The following KCNJ6 variants were observed in gnomAD, a reference collection of about 807,000 sequenced individuals.
KCNJ6 encodes potassium inwardly rectifying channel subfamily J member 6.
KCNJ6 carries 9 observed loss-of-function variants against 34.2 expected under a neutral mutation model. The ratio of observed to expected loss-of-function variants is 0.26; its 90% confidence interval spans 0.16 to 0.46. The LOEUF (loss-of-function observed/expected upper bound fraction) is 0.46, where lower values mean the gene tolerates loss of function less well. KCNJ6 is among the 20% of genes least tolerant of loss of function. The pLI is 1.00. For synonymous variants in KCNJ6, 196 were observed against 207.1 expected (o/e 0.95, Z 0.46); for missense variants, 236 against 531.3 (o/e 0.44, Z 5.46).
At chr21:37,761,630 T>C (rs2055064808) in intron 2 of KCNJ6, among the ~76,000 whole-genome samples, 1 of 150,830 alleles carries the variant, frequency 6.6e-6, no homozygotes. Context: ...GTATGTGTTG[T>C]GTGTTGTGTT....
intron 2 of KCNJ6, among the ~76,000 whole-genome samples, chr21:37,804,016 C>G (rs1236588006): frequency 6.6e-6 from 1 of 152,188 alleles, no homozygotes; most frequent in African/African-American, 2.4e-5. Context: ...CAAAAATACT[C>G]TGCCCCCAGT....
intron 2 of KCNJ6, among the ~76,000 whole-genome samples, chr21:37,810,177 A>G (rs1291863477): frequency 6.6e-6 from 1 of 152,230 alleles, no homozygotes; most frequent in Non-Finnish European, 1.5e-5. Flanking sequence ...GGATCATATT[A>G]TACATAACAC....
intron 1 of KCNJ6, among the ~76,000 whole-genome samples, chr21:37,892,752 G>T (rs1024792571): frequency 6.6e-6 from 1 of 152,078 alleles, no homozygotes; most frequent in Admixed American, 6.5e-5. Flanking sequence ...TGGCAATGAG[G>T]TAAAATCTTT....
chr21:37,820,811 A>T (rs2055369830), intron 2 of KCNJ6, among the ~76,000 whole-genome samples: 1 of 152,238 alleles, frequency 6.6e-6, no homozygotes, highest in African/African-American at 2.4e-5. Context: ...TAGGAGATAC[A>T]CTGACCAAAA....
chr21:37,850,452 G>A (rs147434032), intron 1 of KCNJ6, among the ~76,000 whole-genome samples: 18 of 152,086 alleles, frequency 1.2e-4, no homozygotes, highest in Non-Finnish European at 1.5e-5. Context: ...ACAGGAGTGC[G>A]AACCCTATTT....
At chr21:37,874,922 C>A (rs1297272339) in intron 1 of KCNJ6, among the ~76,000 whole-genome samples, 1 of 152,208 alleles carries the variant, frequency 6.6e-6, no homozygotes, top group Non-Finnish European at 1.5e-5. Flanking sequence ...CACTGCTGTG[C>A]CCTGCAAAAC....
At chr21:37,660,973 GT>G (rs1454620125) in intron 3 of KCNJ6, among the ~76,000 whole-genome samples, 2 of 152,202 alleles carry the variant, frequency 1.3e-5, no homozygotes, top group African/African-American at 4.8e-5. Context: ...GTAAGATAGT[GT>G]CTTAGTTTCT....
At chr21:37,814,256 A>G (rs1011707463) in intron 2 of KCNJ6, among the ~76,000 whole-genome samples, 1 of 152,236 alleles carries the variant, frequency 6.6e-6, no homozygotes, top group Non-Finnish European at 1.5e-5. Flanking sequence ...ACAGGCAATA[A>G]CAAATAAAAT....
At chr21:37,706,652 C>A (rs2054721229) in intron 3 of KCNJ6, among the ~76,000 whole-genome samples, 1 of 152,224 alleles carries the variant, frequency 6.6e-6, no homozygotes, top group Non-Finnish European at 1.5e-5. Context: ...TTAGCCAAAG[C>A]AGACTGATAT....
rs969110783 is a variant in KCNJ6, at chr21:37,790,059, C to G, written c.25+50599G>C. The stretch of plus-strand genomic sequence containing the variant: ...AGTTTGGGATAAAGTAAGGTCTAGT[C>G]TCAGCTCTGACCAGTCTAGTCTGTC... On this transcript the variant is annotated intron_variant, in intron 2 of 3. Coordinates refer to ENST00000609713, the MANE Select transcript of KCNJ6 (RefSeq NM_002240.5). 2.0e-5 allele frequency among the ~76,000 whole-genome samples: 3 copies of G among 152,160 alleles called. No individual in the cohort carries two copies. The East Asian group carries it at 5.8e-4, about 29-fold the overall frequency.
At chr21:37,627,332 C>T (rs1332156802) in intron 3 of KCNJ6, among the ~76,000 whole-genome samples, 1 of 152,138 alleles carries the variant, frequency 6.6e-6, no homozygotes, top group East Asian at 1.9e-4. Flanking sequence ...GCCTCTAAAA[C>T]AAACATTGCA....
At chr21:37,771,114 T>C (rs889849053) in intron 2 of KCNJ6, among the ~76,000 whole-genome samples, 3 of 152,156 alleles carry the variant, frequency 2.0e-5, no homozygotes, top group Non-Finnish European at 2.9e-5. Context: ...TTTAAGGAGA[T>C]AGTGTGGTTG....
intron 2 of KCNJ6, among the ~76,000 whole-genome samples, chr21:37,725,046 A>G (rs948624276): frequency 2.6e-5 from 4 of 152,220 alleles, no homozygotes; most frequent in Non-Finnish European, 5.9e-5. Flanking sequence ...ATGTCTATTA[A>G]AAAAACAGGA....
chr21:37,801,338 T>C (rs1410400639), intron 2 of KCNJ6, among the ~76,000 whole-genome samples: 1 of 152,202 alleles, frequency 6.6e-6, no homozygotes, highest in Non-Finnish European at 1.5e-5. Flanking sequence ...CCCTGCCGCA[T>C]GCTTTTCTCC....
intron 3 of KCNJ6, among the ~76,000 whole-genome samples, chr21:37,647,444 TCTGAGG>T (rs1378770462): frequency 1.3e-5 from 2 of 152,178 alleles, no homozygotes; most frequent in Non-Finnish European, 2.9e-5. Context: ...TCCTTTGACA[TCTGAGG>T]CTGTGCTGAC....
At chr21:37,836,503 T>C (rs992828709) in intron 2 of KCNJ6, among the ~76,000 whole-genome samples, 6 of 152,152 alleles carry the variant, frequency 3.9e-5, no homozygotes, top group African/African-American at 1.4e-4. Flanking sequence ...TGCCCATCAA[T>C]GATAGACTGG....
intron 2 of KCNJ6, among the ~76,000 whole-genome samples, chr21:37,780,835 A>G (rs2055165819): frequency 6.6e-6 from 1 of 152,242 alleles, no homozygotes; most frequent in African/African-American, 2.4e-5. Flanking sequence ...CATCTCATGT[A>G]CCCTATACAT....
intron 2 of KCNJ6, among the ~76,000 whole-genome samples, chr21:37,763,579 A>G (rs2055076698): frequency 6.6e-6 from 1 of 152,080 alleles, no homozygotes; most frequent in Non-Finnish European, 1.5e-5. Context: ...CCTCTCAGTG[A>G]CTGTGTGCCT....
At chr21:37,907,910 T>C (rs2055849438) in intron 1 of KCNJ6, among the ~76,000 whole-genome samples, 1 of 152,210 alleles carries the variant, frequency 6.6e-6, no homozygotes, top group Non-Finnish European at 1.5e-5. Flanking sequence ...AATGATTGAA[T>C]GTGGCAGTGA....
Sources: gnomAD v4.1 joint callset for allele counts (sites outside exome capture counted in the v4.1 genomes callset) on GRCh38, gnomAD v4.1.1 for gene constraint, MANE v1.5 for transcripts, NCBI Gene and HGNC (gene_info 2026-07-23, HGNC 2026-07-21) for gene names.